The following TTC29 variants were observed in gnomAD, a reference collection of about 807,000 sequenced individuals.
TTC29 encodes the protein tetratricopeptide repeat protein 29.
A neutral mutation model predicts 58.1 loss-of-function variants in TTC29; 49 were observed. The ratio of observed to expected loss-of-function variants is 0.84; its 90% confidence interval spans 0.67 to 1.07. The LOEUF is 1.07. Ranked by LOEUF, TTC29 falls within the 50% of genes least tolerant of loss-of-function variation. TTC29 has a pLI of 0.00. For missense variants in TTC29, 582 were observed against 555.6 expected (o/e 1.05, Z -0.48); for synonymous variants, 209 against 196.8 (o/e 1.06, Z -0.52).
chr4:146,896,732 G>T (rs372537631), intron 6 of TTC29, among the ~76,000 whole-genome samples: 1 of 151,938 alleles, frequency 6.6e-6, no homozygotes, highest in Non-Finnish European at 1.5e-5. Context: ...ATTTGAGATC[G>T]TTATTCAAGT....
intron 6 of TTC29, among the ~76,000 whole-genome samples, chr4:146,901,990 A>T (rs1206368168): frequency 6.6e-6 from 1 of 152,218 alleles, no homozygotes; most frequent in African/African-American, 2.4e-5. Flanking sequence ...ATGACTGCAC[A>T]GAACTCTGTT....
intron 11 of TTC29, among the ~76,000 whole-genome samples, chr4:146,752,390 T>G (rs202043107): frequency 0.074 from 9,480 of 127,558 alleles, 443 homozygotes; most frequent in Middle Eastern, 0.15. Flanking sequence ...CACTGCTCAA[T>G]GAAATAAAAG....
intron 8 of TTC29, among the ~76,000 whole-genome samples, chr4:146,850,235 T>G (rs1300610947): frequency 6.6e-6 from 1 of 152,206 alleles, no homozygotes; most frequent in Non-Finnish European, 1.5e-5. Flanking sequence ...CCCCATGCAT[T>G]GGCATTATTA....
intron 11 of TTC29, among the ~76,000 whole-genome samples, chr4:146,761,470 A>T (rs1448008057): frequency 2.0e-5 from 3 of 151,858 alleles, no homozygotes; most frequent in African/African-American, 7.2e-5. Context: ...GTAATTGGTA[A>T]TTTTTCTAGA....
chr4:146,793,806 CTA>C (rs1328064229), intron 11 of TTC29, among the ~76,000 whole-genome samples: 26 of 152,010 alleles, frequency 1.7e-4, no homozygotes, highest in Non-Finnish European at 3.5e-4. Context: ...AGAAAAATTC[CTA>C]TGTTAGATAT....
intron 11 of TTC29, among the ~76,000 whole-genome samples, chr4:146,764,893 G>C (rs545638457): frequency 2.7e-5 from 4 of 150,818 alleles, no homozygotes; most frequent in Non-Finnish European, 5.9e-5. Context: ...CAGCAACTGC[G>C]AAGAGAGTTT....
chr4:146,867,612 A>T, intron 7 of TTC29, 29 bp from the exon 8 acceptor site: 1 of 1,068,942 alleles, frequency 9.4e-7, no homozygotes, highest in Non-Finnish European at 1.3e-6. Flanking sequence ...AAAATTACCA[A>T]GTATTCAATA....
intron 6 of TTC29, among the ~76,000 whole-genome samples, chr4:146,878,567 A>G (rs1363383699): frequency 6.6e-6 from 1 of 152,208 alleles, no homozygotes; most frequent in Non-Finnish European, 1.5e-5. Context: ...TTTAAACCCA[A>G]GGTCACCAAA....
chr4:146,756,487 CT>C (rs889525876), intron 11 of TTC29, among the ~76,000 whole-genome samples: 2 of 152,056 alleles, frequency 1.3e-5, no homozygotes, highest in African/African-American at 4.8e-5. Context: ...GTTTCACTGT[CT>C]GTTTAGGGTG....
chr4:146,786,723 G>T (rs1172059476), intron 11 of TTC29, among the ~76,000 whole-genome samples: 1 of 152,148 alleles, frequency 6.6e-6, no homozygotes, highest in Non-Finnish European at 1.5e-5. Context: ...TAGTGCCTAA[G>T]AATGCAAAGA....
chr4:146,910,827 A>G (rs1007560632), intron 4 of TTC29, among the ~76,000 whole-genome samples: 1 of 152,192 alleles, frequency 6.6e-6, no homozygotes, highest in African/African-American at 2.4e-5. Flanking sequence ...AGAATAAGAT[A>G]TATTTGAAAT....
At chr4:146,780,128 T>G (rs966536027) in intron 11 of TTC29, among the ~76,000 whole-genome samples, 1 of 152,132 alleles carries the variant, frequency 6.6e-6, no homozygotes, top group African/African-American at 2.4e-5. Flanking sequence ...AAACACTACT[T>G]GCTTCCCCCA....
At chr4:146,898,006 A>G (rs1325789464) in intron 6 of TTC29, among the ~76,000 whole-genome samples, 1 of 152,210 alleles carries the variant, frequency 6.6e-6, no homozygotes, top group Non-Finnish European at 1.5e-5. Flanking sequence ...TTTTTTAGTG[A>G]GAGTAAAATA....
chr4:146,912,348 T>G (rs1317268804), intron 4 of TTC29, among the ~76,000 whole-genome samples: 1 of 152,160 alleles, frequency 6.6e-6, no homozygotes, highest in African/African-American at 2.4e-5. Flanking sequence ...TTAGCAGTAT[T>G]CCCCAAATAT....
At chr4:146,736,744 T>G (rs571199197) in intron 11 of TTC29, among the ~76,000 whole-genome samples, 1 of 152,296 alleles carries the variant, frequency 6.6e-6, no homozygotes, top group African/African-American at 2.4e-5. Context: ...ACTCATGATG[T>G]CTTCAGTGAT....
chr4:146,857,643 A>C (rs1281760434), intron 8 of TTC29, among the ~76,000 whole-genome samples: 1 of 152,078 alleles, frequency 6.6e-6, no homozygotes, highest in Non-Finnish European at 1.5e-5. Context: ...AGGGGCCATG[A>C]TTTCCTCTCT....
At chr4:146,756,288 A>T (rs1238927390) in intron 11 of TTC29, among the ~76,000 whole-genome samples, 1 of 146,702 alleles carries the variant, frequency 6.8e-6, no homozygotes, top group Non-Finnish European at 1.5e-5. Flanking sequence ...AAAAAAAAAA[A>T]ATCTGTAGTC....
chr4:146,823,611 A>T (rs1340890021), intron 9 of TTC29, among the ~76,000 whole-genome samples: 2 of 152,188 alleles, frequency 1.3e-5, no homozygotes, highest in Non-Finnish European at 2.9e-5. Flanking sequence ...CATGAAATTT[A>T]AAATAGTTTT....
Position 146,780,685 on chromosome 4 carries a change from TAC to T in TTC29, c.1330+22770_1330+22771del, listed in dbSNP as rs879865237. Reference sequence around the variant, plus strand: ...ATTGCTGAAGAAATATATATTAAAGTACACACACACACACATATATATAATAT... The same window carrying T: ...ATTGCTGAAGAAATATATATTAAAGTACACACACACACATATATATAATAT... On this transcript the variant is annotated intron_variant, in intron 11 of 12. Transcript: ENST00000325106. 6.0e-5 allele frequency among the ~76,000 whole-genome samples: 9 copies of T among 151,210 alleles called. No homozygotes were observed. In the South Asian group the frequency reaches 8.4e-4, roughly 14 times the overall value.
Sources: allele counts gnomAD v4.1 joint callset (sites outside exome capture counted in the v4.1 genomes callset), GRCh38; gene constraint gnomAD v4.1.1; transcripts MANE v1.5; gene names NCBI Gene and HGNC (gene_info 2026-07-23, HGNC 2026-07-21).